IGF2BP3: variants seen among roughly 807,000 people sequenced by gnomAD.
IGF2BP3 encodes insulin-like growth factor 2 mRNA-binding protein 3.
IGF2BP3 carries 9 observed loss-of-function variants against 73.8 expected under a neutral mutation model. The observed-to-expected ratio is 0.12, with a 90% CI of 0.07 to 0.21. IGF2BP3 has a LOEUF of 0.21. IGF2BP3 is among the 10% of genes least tolerant of loss of function. IGF2BP3 has a pLI of 1.00. For synonymous variants in IGF2BP3, 258 were observed against 256.7 expected, an observed-to-expected ratio of 1.01 and a Z score of -0.05; for missense variants, 542 against 714.0, an observed-to-expected ratio of 0.76 and a Z score of 2.75.
At position 23,386,388 on chromosome 7, in the gene IGF2BP3, G is replaced by A. The variant is rs181770304; in HGVS notation, c.286-24647C>T. Reference sequence around the variant, plus strand: ...AATCCTGAAATATCTTGTAGTGCCAGAAAGTACGTACTCAAAAAGAAAAAA... The same window carrying A: ...AATCCTGAAATATCTTGTAGTGCCAAAAAGTACGTACTCAAAAAGAAAAAA... On this transcript the variant is annotated intron_variant, in intron 3 of 14. Transcript: ENST00000258729. Among the ~76,000 whole-genome samples the A allele has an allele frequency of 3.1e-3, 468 of 152,204 alleles. 1 individual carries two copies. The highest frequency in any genetic ancestry group is 0.011 in the African/African-American group (444 of 41,516).
At chr7:23,339,472 A>G (rs1784654898) in intron 10 of IGF2BP3, among the ~76,000 whole-genome samples, 1 of 152,230 alleles carries the variant, frequency 6.6e-6, no homozygotes, top group African/African-American at 2.4e-5. Context: ...AGTCTTATCT[A>G]CATATTTTAA....
chr7:23,364,203 G>A (rs766288629), intron 3 of IGF2BP3, among the ~76,000 whole-genome samples: 20 of 151,870 alleles, frequency 1.3e-4, no homozygotes, highest in Non-Finnish European at 2.5e-4. Flanking sequence ...GTGAAGCCCC[G>A]TCTCTACTAA....
intron 3 of IGF2BP3, among the ~76,000 whole-genome samples, chr7:23,385,223 C>G (rs758264285): frequency 6.6e-6 from 1 of 151,950 alleles, no homozygotes; most frequent in Non-Finnish European, 1.5e-5. Flanking sequence ...AAAGAGAAAA[C>G]CAAGTATGTA....
At chr7:23,384,305 G>C (rs1786013103) in intron 3 of IGF2BP3, among the ~76,000 whole-genome samples, 1 of 151,932 alleles carries the variant, frequency 6.6e-6, no homozygotes, top group Non-Finnish European at 1.5e-5. Flanking sequence ...GGTTCAGTGG[G>C]GGGAAAGAAC....
chr7:23,406,164 A>C, intron 3 of IGF2BP3, among the ~76,000 whole-genome samples: 1 of 151,830 alleles, frequency 6.6e-6, no homozygotes, highest in East Asian at 1.9e-4. Flanking sequence ...TGATGGAGGG[A>C]AGAAGCTATA....
At chr7:23,353,484 G>GA (rs1785017343) in intron 5 of IGF2BP3, among the ~76,000 whole-genome samples, 1 of 152,200 alleles carries the variant, frequency 6.6e-6, no homozygotes, top group Admixed American at 6.5e-5. Context: ...CAGTCATGCA[G>GA]AAAGTAGCAA....
chr7:23,319,964 G>A (rs1394274604), intron 10 of IGF2BP3, among the ~76,000 whole-genome samples: 1 of 151,964 alleles, frequency 6.6e-6, no homozygotes, highest in Non-Finnish European at 1.5e-5. Context: ...AGACTAGAGT[G>A]CAATGGCACG....
intron 3 of IGF2BP3, among the ~76,000 whole-genome samples, chr7:23,395,770 AC>A (rs2128523089): frequency 6.6e-6 from 1 of 152,150 alleles, no homozygotes; most frequent in African/African-American, 2.4e-5. Flanking sequence ...TACTAAAAAT[AC>A]AACAATTAGC....
chr7:23,335,716 T>G (rs901095877), intron 10 of IGF2BP3, among the ~76,000 whole-genome samples: 2 of 152,228 alleles, frequency 1.3e-5, no homozygotes, highest in East Asian at 1.9e-4. Context: ...CTATCAAAAC[T>G]GAAGCCAGCA....
chr7:23,337,875 T>C lies in IGF2BP3; in HGVS notation c.1203+4189A>G, dbSNP rs116803330. 7.8e-3 allele frequency among the ~76,000 whole-genome samples: 1,186 copies of C among 152,224 alleles called. 14 individuals carry two copies. The highest frequency in any genetic ancestry group is 0.026 in the African/African-American group (1,100 of 41,526). Reference sequence around the variant, plus strand: ...TGTTGGCTGGAAACAGACCCAATAGTTGGAGCTTGAGCAGTTATCCTGGGC... The same window carrying C: ...TGTTGGCTGGAAACAGACCCAATAGCTGGAGCTTGAGCAGTTATCCTGGGC... On this transcript the variant is annotated intron_variant, in intron 10 of 14. Transcript: ENST00000258729.
chr7:23,388,342 C>T (rs1015446435), intron 3 of IGF2BP3, among the ~76,000 whole-genome samples: 1 of 152,150 alleles, frequency 6.6e-6, no homozygotes. Flanking sequence ...CCTTTATCAA[C>T]TTAGGTTCAG....
intron 6 of IGF2BP3, among the ~76,000 whole-genome samples, chr7:23,350,218 C>A (rs1054852806): frequency 3.2e-4 from 48 of 152,178 alleles, no homozygotes; most frequent in Admixed American, 2.5e-3. Context: ...GGAACAAACA[C>A]ATAAAGTATA....
intron 8 of IGF2BP3, among the ~76,000 whole-genome samples, chr7:23,345,516 G>C (rs182321494): frequency 1.3e-5 from 2 of 152,372 alleles, no homozygotes; most frequent in East Asian, 3.9e-4. Context: ...CAGCAGCATT[G>C]TGAGACCCCA....
intron 3 of IGF2BP3, among the ~76,000 whole-genome samples, chr7:23,371,995 G>C (rs1353375773): frequency 1.3e-5 from 2 of 152,158 alleles, no homozygotes; most frequent in African/African-American, 4.8e-5. Context: ...TGCTGAGCTA[G>C]ACTGATTTTT....
intron 2 of IGF2BP3, among the ~76,000 whole-genome samples, chr7:23,433,412 CA>C (rs1012548613): frequency 2.7e-5 from 4 of 149,980 alleles, no homozygotes; most frequent in African/African-American, 9.8e-5. Context: ...GATTCAATAC[CA>C]AAAAAAGCAA....
In IGF2BP3 at chr7:23,366,562, A is replaced by G. The variant is rs1399564466; in HGVS notation, c.286-4821T>C. Among the ~76,000 whole-genome samples, 6 of 151,860 alleles carry G rather than the reference A, an allele frequency of 4.0e-5. No individual in the cohort carries two copies. The South Asian group carries it at 8.3e-4, about 21-fold the overall frequency. Reference sequence around the variant, plus strand: ...CTTTAAAACAAAGTAAAAAAGAAAAAAAAAAAAAAACCACAAGCAAAAAAA... The same window carrying G: ...CTTTAAAACAAAGTAAAAAAGAAAAGAAAAAAAAAACCACAAGCAAAAAAA... On this transcript the variant is annotated intron_variant, in intron 3 of 14. Coordinates refer to ENST00000258729, the MANE Select transcript of IGF2BP3 (RefSeq NM_006547.3).
intron 10 of IGF2BP3, among the ~76,000 whole-genome samples, chr7:23,327,391 C>T (rs1784331196): frequency 6.6e-6 from 1 of 151,346 alleles, no homozygotes; most frequent in Admixed American, 6.6e-5. Flanking sequence ...CGCCATTCTC[C>T]TGCCTCAGCC....
intron 10 of IGF2BP3, among the ~76,000 whole-genome samples, chr7:23,329,045 T>TA (rs34036958): frequency 2.0e-5 from 3 of 151,826 alleles, no homozygotes; most frequent in Non-Finnish European, 4.4e-5. Context: ...CCGTCTCTGC[T>TA]AAAAAAGAAA....
At chr7:23,426,186 G>A (rs1475108623) in intron 2 of IGF2BP3, among the ~76,000 whole-genome samples, 1 of 151,830 alleles carries the variant, frequency 6.6e-6, no homozygotes, top group Non-Finnish European at 1.5e-5. Context: ...AATTAGCCAG[G>A]CATGGTGGCA....
Sources: gnomAD v4.1 joint callset for allele counts (sites outside exome capture counted in the v4.1 genomes callset) on GRCh38, gnomAD v4.1.1 for gene constraint, MANE v1.5 for transcripts, NCBI Gene and HGNC (gene_info 2026-07-23, HGNC 2026-07-21) for gene names.